Variants in SYNCRIP observed in about 807,000 individuals in gnomAD.
SYNCRIP encodes synaptotagmin binding cytoplasmic RNA interacting protein.
Under a neutral mutation model 68.9 loss-of-function variants are expected in SYNCRIP, and 9 were observed. The observed-to-expected ratio is 0.13, with a 90% CI of 0.08 to 0.23. SYNCRIP has a LOEUF of 0.23. SYNCRIP is among the 10% of genes least tolerant of loss of function. SYNCRIP has a pLI of 1.00. For synonymous variants in SYNCRIP, 258 were observed against 254.0 expected (o/e 1.02, Z -0.15); for missense variants, 414 against 770.6 (o/e 0.54, Z 5.48).
chr6:85,624,753 A>C (rs1806844954), intron 6 of SYNCRIP, among the ~76,000 whole-genome samples: 1 of 152,254 alleles, frequency 6.6e-6, no homozygotes, highest in Admixed American at 6.5e-5. Context: ...ATTATCAGAA[A>C]GCAGAGGCAA....
Position 85,615,233 on chromosome 6 carries a change from A to G in SYNCRIP, c.1395T>C (p.Asp465=). The G allele has an allele frequency of 1.2e-6, 2 of 1,608,220 alleles. No homozygotes were observed. The highest frequency in any genetic ancestry group is 1.7e-6 in the Non-Finnish European group (2 of 1,175,862). Residue 465 remains aspartate, a synonymous_variant, in exon 11 of 11, where the codon GAT becomes GAC. Transcript: ENST00000369622. ...GYPPDYYGYE[D]YYDYYGYDYH... ...AATCATAACCATAATAATCATAATA[A>G]TCTTCATATCCATAATAATCTGGAG...
At chr6:85,628,673 T>C (rs1046785630) in intron 6 of SYNCRIP, among the ~76,000 whole-genome samples, 4 of 152,212 alleles carry the variant, frequency 2.6e-5, no homozygotes, top group Admixed American at 1.3e-4. Context: ...CTCTTACATA[T>C]TGTCTGTGTT....
chr6:85,629,516 C>CAAAAAAAAAAAAAAAAA (rs781083306), intron 6 of SYNCRIP, among the ~76,000 whole-genome samples: 11 of 64,814 alleles, frequency 1.7e-4, no homozygotes, highest in South Asian at 7.1e-4. Context: ...ACTAAAAATA[C>CAAAAAAAAAAAAAAAAA]AAAAAAAAAA....
intron 6 of SYNCRIP, among the ~76,000 whole-genome samples, chr6:85,624,447 C>A (rs918751536): frequency 1.3e-5 from 2 of 152,178 alleles, no homozygotes; most frequent in Non-Finnish European, 2.9e-5. Context: ...GAAAACTGAT[C>A]CCAAGATCAG....
At chr6:85,639,827 C>A (rs1808917069) in intron 4 of SYNCRIP, among the ~76,000 whole-genome samples, 1 of 151,988 alleles carries the variant, frequency 6.6e-6, no homozygotes, top group African/African-American at 2.4e-5. Context: ...AAGTGGAGGG[C>A]AGCAGGGTTA....
At chr6:85,643,458 G>T (rs900117482), upstream of SYNCRIP, among the ~76,000 whole-genome samples, 2 of 151,828 alleles carry the variant, frequency 1.3e-5, no homozygotes, top group Non-Finnish European at 2.9e-5. Flanking sequence ...CCGCTCCGAC[G>T]GTGGCGGCCG....
At chr6:85,622,156 G>A (rs902146823) in intron 8 of SYNCRIP, among the ~76,000 whole-genome samples, 5 of 152,116 alleles carry the variant, frequency 3.3e-5, no homozygotes, top group Non-Finnish European at 7.4e-5. Context: ...GGTGGATCCC[G>A]AGGTCAGGAG....
chr6:85,635,789 A>AG (rs914811098), intron 6 of SYNCRIP, among the ~76,000 whole-genome samples: 4 of 151,344 alleles, frequency 2.6e-5, no homozygotes, highest in African/African-American at 4.9e-5. Context: ...AAAAAAAAAA[A>AG]AAAAAAAAGA....
upstream of SYNCRIP, chr6:85,643,809 G>T (rs1209628730): frequency 1.3e-5 from 2 of 152,156 alleles, no homozygotes; most frequent in African/African-American, 4.8e-5. Context: ...GTTCCAGGCG[G>T]TGTCCACGCC....
chr6:85,618,749 CTGT>C, intron 10 of SYNCRIP, 66 bp downstream of exon 10: 1 of 1,335,426 alleles, frequency 7.5e-7, no homozygotes, highest in Non-Finnish European at 1.0e-6. Context: ...TGATCAACAC[CTGT>C]TATTTTCCAA....
chr6:85,642,227 T>C (rs1302625873), intron 1 of SYNCRIP, among the ~76,000 whole-genome samples: 1 of 151,450 alleles, frequency 6.6e-6, no homozygotes, highest in Non-Finnish European at 1.5e-5. Context: ...AGCGCCGCCG[T>C]CTCCGCCGTG....
Position 85,618,954 on chromosome 6 carries a change from T to G in SYNCRIP, c.1159-15A>C. On this transcript the variant is annotated splice_polypyrimidine_tract_variant and intron_variant, in intron 9 of 10. Coordinates refer to ENST00000369622, the MANE Select transcript of SYNCRIP (RefSeq NM_006372.5). ...TCTTCCATAGCCTTAAAAAATTAGATAAGTCAATATAAAAATAGGACTTTC... is the reference window on the plus strand; with the variant it reads ...TCTTCCATAGCCTTAAAAAATTAGAGAAGTCAATATAAAAATAGGACTTTC... The G allele has an allele frequency of 6.3e-7, 1 of 1,593,346 alleles. No individual in the cohort carries two copies. Among genetic ancestry groups the G allele is most frequent in the Middle Eastern group, 1.7e-4 (1 of 5,992 alleles).
At chr6:85,642,428 T>TGAGCAC (rs1809305743) in intron 1 of SYNCRIP, among the ~76,000 whole-genome samples, 1 of 152,074 alleles carries the variant, frequency 6.6e-6, no homozygotes, top group South Asian at 2.1e-4. Context: ...CGCGGGACCG[T>TGAGCAC]GAGCACCGCC....
Position 85,614,292 on chromosome 6 carries a change from A to C in SYNCRIP, c.*464T>G, listed in dbSNP as rs1562071141. The C allele has an allele frequency of 2.0e-6, 2 of 986,082 alleles. No individual in the cohort carries two copies. The allele number at this position is 986,082 out of a possible 1,614,324, so 61.1% of individuals were successfully genotyped here. A position where few individuals can be genotyped will look rare whatever the true frequency, so the allele number is the denominator to read the frequency against. ...GTAGCCAAAATGGTTTTGAAAACCC[A>C]AATTAGGTCAAAGTTCTAAATTAAA... On this transcript the variant is annotated 3_prime_UTR_variant, in exon 11 of 11. Coordinates refer to ENST00000369622, the MANE Select transcript of SYNCRIP (RefSeq NM_006372.5).
intron 6 of SYNCRIP, among the ~76,000 whole-genome samples, chr6:85,626,234 T>C (rs1014597074): frequency 3.9e-5 from 6 of 152,226 alleles, no homozygotes; most frequent in Admixed American, 1.3e-4. Flanking sequence ...AAAATTAAAC[T>C]AAGAACACAA....
intron 4 of SYNCRIP, 55 bp from the exon 5 acceptor site, chr6:85,637,411 A>G: frequency 8.8e-7 from 1 of 1,130,794 alleles, no homozygotes; most frequent in South Asian, 1.3e-5. Context: ...ACACCCATAT[A>G]TTTAGCAGTT....
Position 85,630,205 on chromosome 6 carries a change from C to T in SYNCRIP, c.667-6093G>A, listed in dbSNP as rs147143296. Among the ~76,000 whole-genome samples the T allele has an allele frequency of 1.2e-3, 188 of 151,236 alleles. 1 individual carries two copies. Among genetic ancestry groups the T allele is most frequent in the Non-Finnish European group, 2.3e-3 (154 of 67,774 alleles). ...TGAAACCCCGTCTCTACTAAAAATA[C>T]AAAAAAATTAGCCGGGTGTGGTGGC... On this transcript the variant is annotated intron_variant, in intron 6 of 10. Coordinates refer to ENST00000369622, the MANE Select transcript of SYNCRIP (RefSeq NM_006372.5).
At chr6:85,622,045 T>C (rs1806472926) in intron 8 of SYNCRIP, among the ~76,000 whole-genome samples, 1 of 149,516 alleles carries the variant, frequency 6.7e-6, no homozygotes, top group Non-Finnish European at 1.5e-5. Flanking sequence ...GTAAAGAACA[T>C]TTCTCCCAAC....
At chr6:85,619,745 A>G (rs1359908454) in intron 8 of SYNCRIP, among the ~76,000 whole-genome samples, 2 of 152,248 alleles carry the variant, frequency 1.3e-5, no homozygotes, top group Non-Finnish European at 2.9e-5. Context: ...AATGCAGGTA[A>G]GAATGCAGAG....
Sources: allele counts gnomAD v4.1 joint callset (sites outside exome capture counted in the v4.1 genomes callset), GRCh38; gene constraint gnomAD v4.1.1; transcripts MANE v1.5; gene names NCBI Gene and HGNC (gene_info 2026-07-23, HGNC 2026-07-21).